Variants in CORIN observed in about 807,000 individuals in gnomAD.
The protein encoded by CORIN is atrial natriuretic peptide-converting enzyme.
Under a neutral mutation model 125.3 loss-of-function variants are expected in CORIN, and 117 were observed. The observed-to-expected ratio is 0.93, with a 90% CI of 0.80 to 1.09. The LOEUF (loss-of-function observed/expected upper bound fraction) is 1.09, where lower values mean the gene tolerates loss of function less well. Among genes scored for constraint, CORIN ranks in the 50% least tolerant of loss-of-function variants. CORIN has a pLI of 0.00. For synonymous variants in CORIN, 450 were observed against 466.4 expected (o/e 0.96, Z 0.45); for missense variants, 1,253 against 1,306.7 (o/e 0.96, Z 0.63).
chr4:47,778,634 A>C (rs1730399636), intron 3 of CORIN, among the ~76,000 whole-genome samples: 1 of 152,248 alleles, frequency 6.6e-6, no homozygotes, highest in Non-Finnish European at 1.5e-5. Flanking sequence ...ACAAGCATGC[A>C]ACGATTACTT....
chr4:47,677,975 G>A lies in CORIN; in HGVS notation c.1212C>T (p.Asp404=), dbSNP rs779739386. The change falls in exon 9 of 22, where the codon GAC becomes GAT. Residue 404 remains aspartate, a synonymous_variant. Coordinates refer to ENST00000273857, the MANE Select transcript of CORIN (RefSeq NM_006587.4). Reference sequence around the variant, plus strand: ...TCTCCTCATCACTCCCATCCTTGCAGTCCTCGTCACCATCACATTGAAACG... The same window carrying A: ...TCTCCTCATCACTCCCATCCTTGCAATCCTCGTCACCATCACATTGAAACG... The part of the protein sequence containing the change: ...PSTFQCDGDE[D]CKDGSDEENC... 1 of 1,614,002 alleles carries A rather than the reference G, an allele frequency of 6.2e-7. No individual in the cohort carries two copies. The highest frequency in any genetic ancestry group is 8.5e-7 in the Non-Finnish European group (1 of 1,179,914).
chr4:47,786,484 T>C (rs916793406), intron 3 of CORIN, among the ~76,000 whole-genome samples: 1 of 152,032 alleles, frequency 6.6e-6, no homozygotes. Flanking sequence ...GAGGTTGCAG[T>C]GAGGTCAGAT....
intron 19 of CORIN, among the ~76,000 whole-genome samples, chr4:47,612,462 G>C (rs1721907380): frequency 6.6e-6 from 1 of 152,166 alleles, no homozygotes; most frequent in Non-Finnish European, 1.5e-5. Flanking sequence ...TAGATTGGCA[G>C]CCTGGATGTC....
At chr4:47,828,512 G>C (rs1220720969) in intron 1 of CORIN, among the ~76,000 whole-genome samples, 1 of 152,088 alleles carries the variant, frequency 6.6e-6, no homozygotes. Flanking sequence ...CTACATTCTG[G>C]GAGCACTCCA....
chr4:47,658,903 A>C (rs564195873), intron 12 of CORIN, among the ~76,000 whole-genome samples: 3 of 152,330 alleles, frequency 2.0e-5, no homozygotes, highest in Admixed American at 1.3e-4. Context: ...TTCCAACTTC[A>C]AGTTATTTCT....
intron 5 of CORIN, among the ~76,000 whole-genome samples, chr4:47,706,214 C>G (rs1312851988): frequency 6.6e-6 from 1 of 152,124 alleles, no homozygotes; most frequent in South Asian, 2.1e-4. Flanking sequence ...AATTTCTCAC[C>G]GTGGTATCCA....
At chr4:47,806,463 T>G (rs770910212) in intron 2 of CORIN, among the ~76,000 whole-genome samples, 1 of 152,204 alleles carries the variant, frequency 6.6e-6, no homozygotes, top group Non-Finnish European at 1.5e-5. Context: ...TAACCTAAAT[T>G]TCTATTAACT....
chr4:47,795,429 TC>T (rs1210369574), intron 2 of CORIN, among the ~76,000 whole-genome samples: 1 of 152,148 alleles, frequency 6.6e-6, no homozygotes, highest in Non-Finnish European at 1.5e-5. Flanking sequence ...AAATGTCTTT[TC>T]ATTTATTTGT....
chr4:47,721,293 G>C (rs1412576722), intron 5 of CORIN, among the ~76,000 whole-genome samples: 1 of 149,870 alleles, frequency 6.7e-6, no homozygotes, highest in Admixed American at 6.6e-5. Flanking sequence ...TTTTTGAGAC[G>C]GAGTCTTGCT....
rs528041224 is a variant in CORIN, at chr4:47,759,200, C to T, written c.617+4179G>A. Among the ~76,000 whole-genome samples the T allele has an allele frequency of 2.5e-4, 38 of 152,214 alleles. No homozygotes were observed. The East Asian group carries it at 5.8e-3, about 23-fold the overall frequency. On this transcript the variant is annotated intron_variant, in intron 4 of 21. Coordinates refer to ENST00000273857, the MANE Select transcript of CORIN (RefSeq NM_006587.4). Reference sequence around the variant, plus strand: ...CAGAAGAATGAAATTAGACTCTTATCGCATAGGATATGCAAAAATGAACTC... The same window carrying T: ...CAGAAGAATGAAATTAGACTCTTATTGCATAGGATATGCAAAAATGAACTC...
intron 5 of CORIN, among the ~76,000 whole-genome samples, chr4:47,717,209 A>T (rs1727131690): frequency 6.6e-6 from 1 of 152,188 alleles, no homozygotes; most frequent in South Asian, 2.1e-4. Flanking sequence ...TTTTCAAGCA[A>T]CCACATGGAT....
At position 47,753,007 on chromosome 4, in the gene CORIN, G is replaced by A. The variant is rs534145713; in HGVS notation, c.618-8424C>T. Among the ~76,000 whole-genome samples, 128 of 151,432 alleles carry A rather than the reference G, an allele frequency of 8.5e-4. 1 individual carries two copies. The highest frequency in any genetic ancestry group is 2.7e-3 in the African/African-American group (113 of 41,130). ...TTCTAGTCAGAGCCACATAATTATC[G>A]GGGGAACCAGCCCCCAATATTTCAA... On this transcript the variant is annotated intron_variant, in intron 4 of 21. Transcript: ENST00000273857.
intron 5 of CORIN, among the ~76,000 whole-genome samples, chr4:47,728,977 G>C (rs1013638746): frequency 6.6e-6 from 1 of 152,186 alleles, no homozygotes; most frequent in African/African-American, 2.4e-5. Flanking sequence ...AGCAATATTT[G>C]GCAGAGAATA....
intron 4 of CORIN, among the ~76,000 whole-genome samples, chr4:47,752,293 G>T (rs77412986): frequency 6.6e-6 from 1 of 152,016 alleles, no homozygotes; most frequent in Non-Finnish European, 1.5e-5. Flanking sequence ...ATCTCTCACC[G>T]GCATAACATA....
intron 10 of CORIN, among the ~76,000 whole-genome samples, chr4:47,674,015 A>G (rs1352950965): frequency 1.3e-5 from 2 of 152,204 alleles, no homozygotes; most frequent in East Asian, 3.9e-4. Context: ...GGCTATTTCT[A>G]TGAACTTCAT....
At chr4:47,746,269 T>C (rs1728659653) in intron 4 of CORIN, among the ~76,000 whole-genome samples, 1 of 152,216 alleles carries the variant, frequency 6.6e-6, no homozygotes, top group Non-Finnish European at 1.5e-5. Context: ...CAGTTACTTA[T>C]GTTTGCCAGG....
intron 2 of CORIN, among the ~76,000 whole-genome samples, chr4:47,788,521 TTTAA>T (rs1478677006): frequency 6.6e-6 from 1 of 152,212 alleles, no homozygotes; most frequent in Non-Finnish European, 1.5e-5. Flanking sequence ...AAGGAATTCA[TTTAA>T]TTGTTATTGA....
rs747088178 is a variant in CORIN, at chr4:47,683,798, G to A, written c.954C>T (p.Cys318=). The change falls in exon 7 of 22, where the codon TGC becomes TGT. Residue 318 remains cysteine, a synonymous_variant. Transcript: ENST00000273857. ...ENLFHCHTGK[C]LNYSLVCDGY... Reference sequence around the variant, plus strand: ...CATCACACACAAGGCTGTAATTAAGGCACTTGCCTGTGTGACAGTGAAACA... The same window carrying A: ...CATCACACACAAGGCTGTAATTAAGACACTTGCCTGTGTGACAGTGAAACA... 1.9e-6 allele frequency: 3 copies of A among 1,613,476 alleles called. No individual in the cohort carries two copies. The highest frequency in any genetic ancestry group is 2.5e-6 in the Non-Finnish European group (3 of 1,179,810).
chr4:47,834,880 TACC>T (rs1156381159), intron 1 of CORIN, among the ~76,000 whole-genome samples: 1 of 152,208 alleles, frequency 6.6e-6, no homozygotes, highest in Non-Finnish European at 1.5e-5. Flanking sequence ...GCAGTGTCCT[TACC>T]AGTGGTCAGT....
Sources: allele counts gnomAD v4.1 joint callset (sites outside exome capture counted in the v4.1 genomes callset), GRCh38; gene constraint gnomAD v4.1.1; transcripts MANE v1.5; gene names NCBI Gene and HGNC (gene_info 2026-07-23, HGNC 2026-07-21).